TCERG1L: variants seen among roughly 807,000 people sequenced by gnomAD.
TCERG1L encodes transcription elongation regulator 1 like, also known as transcription elongation regulator 1-like protein.
Under a neutral mutation model 56.3 loss-of-function variants are expected in TCERG1L, and 37 were observed. The observed-to-expected ratio is 0.66, with a 90% confidence interval of 0.51 to 0.87. TCERG1L has a LOEUF of 0.87. Among genes scored for constraint, TCERG1L ranks in the 40% least tolerant of loss-of-function variants. The probability of loss-of-function intolerance (pLI) is 0.00; values close to 1 mark genes in which losing one functional copy is unlikely to be tolerated. For missense variants in TCERG1L, 799 were observed against 774.2 expected (o/e 1.03, Z -0.38); for synonymous variants, 324 against 326.3 (o/e 0.99, Z 0.08).
intron 4 of TCERG1L, among the ~76,000 whole-genome samples, chr10:131,182,592 CAGA>C (rs1255785460): frequency 1.3e-5 from 2 of 152,188 alleles, no homozygotes; most frequent in Non-Finnish European, 2.9e-5. Context: ...AAGATAACGT[CAGA>C]AGAACTGTAT....
At chr10:131,131,282 G>A (rs1845615636) in intron 8 of TCERG1L, among the ~76,000 whole-genome samples, 1 of 152,146 alleles carries the variant, frequency 6.6e-6, no homozygotes, top group African/African-American at 2.4e-5. Flanking sequence ...GGATAGGAGG[G>A]AGGGAACTGT....
chr10:131,291,546 C>A (rs1846626471), intron 3 of TCERG1L, among the ~76,000 whole-genome samples: 1 of 149,818 alleles, frequency 6.7e-6, no homozygotes, highest in Admixed American at 6.7e-5. Flanking sequence ...CCTGCCTCAG[C>A]CTCCCAAGTA....
intron 6 of TCERG1L, among the ~76,000 whole-genome samples, chr10:131,152,171 T>C: frequency 6.6e-6 from 1 of 152,242 alleles, no homozygotes; most frequent in Non-Finnish European, 1.5e-5. Flanking sequence ...GGCTTGAATT[T>C]TTCCCCAGAA....
At chr10:131,233,719 T>G (rs1343199474) in intron 4 of TCERG1L, among the ~76,000 whole-genome samples, 1 of 152,248 alleles carries the variant, frequency 6.6e-6, no homozygotes, top group Non-Finnish European at 1.5e-5. Context: ...ATTAAACGTT[T>G]AAGAAGTTAC....
At chr10:131,145,817 A>G (rs551012556) in intron 7 of TCERG1L, among the ~76,000 whole-genome samples, 1 of 152,226 alleles carries the variant, frequency 6.6e-6, no homozygotes, top group Admixed American at 6.5e-5. Context: ...AAATGTCTGC[A>G]GTGGAGTCAA....
At chr10:131,271,478 G>A (rs1846339177) in intron 3 of TCERG1L, among the ~76,000 whole-genome samples, 1 of 152,244 alleles carries the variant, frequency 6.6e-6, no homozygotes, top group Non-Finnish European at 1.5e-5. Flanking sequence ...ACCCCAGCCA[G>A]ACCCTCCCTG....
chr10:131,115,660 T>C (rs1845453387), intron 9 of TCERG1L, among the ~76,000 whole-genome samples: 1 of 152,134 alleles, frequency 6.6e-6, no homozygotes, highest in Non-Finnish European at 1.5e-5. Context: ...GAGTAAATGA[T>C]GAAATACATA....
intron 6 of TCERG1L, among the ~76,000 whole-genome samples, chr10:131,153,016 G>A (rs1305305990): frequency 1.5e-4 from 23 of 152,150 alleles, no homozygotes; most frequent in African/African-American, 5.3e-4. Context: ...ATTACAATTC[G>A]AGGTAAGATT....
chr10:131,311,555 C>A lies in TCERG1L; in HGVS notation c.81G>T (p.Trp27Cys). The change falls in exon 1 of 12, where the codon TGG becomes TGT. Residue 27 changes from tryptophan to cysteine, a missense_variant. Physicochemically the swap from Trp to Cys is radical, Grantham distance 215. Transcript: ENST00000368642. The surrounding 1 kb of genome is among the most constrained non-coding windows in gnomAD (Gnocchi z 4.0). ...QQPRRRQPLLWPMDAEPPPPP... is the reference protein window; with the variant it reads ...QQPRRRQPLLCPMDAEPPPPP... ...GCGGCGGCGGCTCTGCGTCCATCGG[C>A]CAGAGGAGAGGCTGCCGCCGCCGGG... is the stretch of plus-strand genomic sequence containing the variant. 8.5e-7 allele frequency: 1 copy of A among 1,177,516 alleles called. No individual in the cohort carries two copies. Among genetic ancestry groups the A allele is most frequent in the Non-Finnish European group, 1.0e-6 (1 of 953,780 alleles). The allele number at this position is 1,177,516 out of a possible 1,614,324, so 72.9% of individuals were successfully genotyped here.
At chr10:131,232,407 G>C (rs921884640) in intron 4 of TCERG1L, among the ~76,000 whole-genome samples, 4 of 152,200 alleles carry the variant, frequency 2.6e-5, no homozygotes, top group Non-Finnish European at 5.9e-5. Flanking sequence ...TGTTTTGCAG[G>C]AGCGTTGGCA....
intron 4 of TCERG1L, among the ~76,000 whole-genome samples, chr10:131,210,816 C>CA (rs1414232677): frequency 1.3e-5 from 2 of 152,294 alleles, no homozygotes; most frequent in Non-Finnish European, 2.9e-5. Context: ...GTCAATAACT[C>CA]ATTTTCCAAA....
chr10:131,228,778 C>T (rs2918163), intron 4 of TCERG1L, among the ~76,000 whole-genome samples: 1 of 77,838 alleles, frequency 1.3e-5, no homozygotes, highest in Non-Finnish European at 2.5e-5. Flanking sequence ...TCAAGGTCTC[C>T]GGAGTCTCCC....
chr10:131,190,148 CTA>C (rs1845288680), intron 4 of TCERG1L, among the ~76,000 whole-genome samples: 1 of 152,134 alleles, frequency 6.6e-6, no homozygotes, highest in African/African-American at 2.4e-5. Context: ...ATAAACATCT[CTA>C]TATGCGCCAA....
chr10:131,243,349 A>C lies in TCERG1L; in HGVS notation c.856+16910T>G, dbSNP rs531775158. Among the ~76,000 whole-genome samples, 236 of 152,254 alleles carry C rather than the reference A, an allele frequency of 1.6e-3. 2 individuals carry two copies. The highest frequency in any genetic ancestry group is 2.7e-3 in the Admixed American group (41 of 15,288). ...GCAATCCCAGCATTCTGGGAGGCCGAGATGGGTGGATCACTTGAGGTCAGG... is the reference window on the plus strand; with the variant it reads ...GCAATCCCAGCATTCTGGGAGGCCGCGATGGGTGGATCACTTGAGGTCAGG... On this transcript the variant is annotated intron_variant, in intron 4 of 11. Coordinates refer to ENST00000368642, the MANE Select transcript of TCERG1L (RefSeq NM_174937.4).
chr10:131,254,214 G>C lies in TCERG1L; in HGVS notation c.856+6045C>G, dbSNP rs1292477123. On this transcript the variant is annotated intron_variant, in intron 4 of 11. Coordinates refer to ENST00000368642, the MANE Select transcript of TCERG1L (RefSeq NM_174937.4). ...ATGGAGGGCTGCTCAGGAAGTAAGGGTGCAGGTGGGTCACACAGACAGTGA... is the reference window on the plus strand; with the variant it reads ...ATGGAGGGCTGCTCAGGAAGTAAGGCTGCAGGTGGGTCACACAGACAGTGA... Among the ~76,000 whole-genome samples, 4 of 152,040 alleles carry C rather than the reference G, an allele frequency of 2.6e-5. No individual in the cohort carries two copies. The East Asian group carries it at 7.7e-4, about 29-fold the overall frequency.
rs765786287 is a variant in TCERG1L, at chr10:131,103,408, G to A, written c.1485+857C>T. ...CTTTTTGTGTGTATAAGGTTGTGAT[G>A]AGCCAGGTGCGGTGGCTCACGCCTG... On this transcript the variant is annotated intron_variant, in intron 10 of 11. Transcript: ENST00000368642. The surrounding 1 kb of genome is among the most constrained non-coding windows in gnomAD (Gnocchi z 4.3). Among the ~76,000 whole-genome samples, 15 of 152,336 alleles carry A rather than the reference G, an allele frequency of 9.8e-5. No individual in the cohort carries two copies. The highest frequency in any genetic ancestry group is 1.6e-4 in the Non-Finnish European group (11 of 68,028).
intron 4 of TCERG1L, among the ~76,000 whole-genome samples, chr10:131,233,803 C>T (rs1845879487): frequency 6.6e-6 from 1 of 152,116 alleles, no homozygotes; most frequent in African/African-American, 2.4e-5. Flanking sequence ...TCAGTGTGGC[C>T]ATGTTGGGAG....
intron 4 of TCERG1L, among the ~76,000 whole-genome samples, chr10:131,255,746 C>T (rs966092316): frequency 4.6e-5 from 7 of 152,228 alleles, no homozygotes; most frequent in Non-Finnish European, 7.3e-5. Context: ...TCAGAAAGAA[C>T]GCGAGGTCCC....
At chr10:131,255,122 T>C (rs1846153778) in intron 4 of TCERG1L, among the ~76,000 whole-genome samples, 1 of 152,114 alleles carries the variant, frequency 6.6e-6, no homozygotes, top group Admixed American at 6.5e-5. Context: ...CCTGAGAAGA[T>C]AGTGCTTCCA....
Sources: allele counts gnomAD v4.1 joint callset (sites outside exome capture counted in the v4.1 genomes callset), GRCh38; gene constraint gnomAD v4.1.1; non-coding constraint Gnocchi (gnomAD v3.1); transcripts MANE v1.5; gene names NCBI Gene and HGNC (gene_info 2026-07-23, HGNC 2026-07-21).